The following DEPTOR variants were observed in gnomAD, a reference collection of about 807,000 sequenced individuals.
DEPTOR encodes DEP domain containing MTOR interacting protein.
Under a neutral mutation model 41.6 loss-of-function variants are expected in DEPTOR, and 41 were observed. That is an observed-to-expected ratio of 0.98 (90% confidence interval 0.77 to 1.28). The LOEUF (loss-of-function observed/expected upper bound fraction) is 1.28. Ranked by LOEUF, DEPTOR falls within the 50% of genes most tolerant of loss-of-function variation. DEPTOR has a pLI of 0.00. For synonymous variants in DEPTOR, 195 were observed against 192.3 expected (o/e 1.01, Z -0.12); for missense variants, 514 against 527.9 (o/e 0.97, Z 0.26).
At chr8:119,940,215 C>T (rs1420976413) in intron 3 of DEPTOR, among the ~76,000 whole-genome samples, 2 of 151,810 alleles carry the variant, frequency 1.3e-5, no homozygotes, top group Non-Finnish European at 2.9e-5. Flanking sequence ...GAAACTCCAT[C>T]TCAAACAAAA....
Position 119,929,923 on chromosome 8 carries a change from A to G in DEPTOR, c.410A>G (p.Gln137Arg). 3 of 1,613,020 alleles carry G rather than the reference A, an allele frequency of 1.9e-6. No homozygotes were observed. The highest frequency in any genetic ancestry group is 1.3e-5 in the African/African-American group (1 of 75,038). Reference sequence around the variant, plus strand: ...GAAGTGAAGGCCTTTATGAGAGGACAGAGGCTATATGAAAAGTATGTTCCG... The same window carrying G: ...GAAGTGAAGGCCTTTATGAGAGGACGGAGGCTATATGAAAAGTATGTTCCG... ...DNEVKAFMRG[Q>R]RLYEKLMSPE... Residue 137 changes from glutamine (Q) to arginine (R), a missense_variant, in exon 3 of 9, where the codon CAG becomes CGG. Transcript: ENST00000286234.
At chr8:119,993,594 G>T (rs991300541) in intron 4 of DEPTOR, among the ~76,000 whole-genome samples, 1 of 152,088 alleles carries the variant, frequency 6.6e-6, no homozygotes, top group Non-Finnish European at 1.5e-5. Flanking sequence ...TAGTTCCAAG[G>T]AGCAAAAAAT....
At chr8:119,930,063 C>G (rs1828022273) in intron 3 of DEPTOR, 125 bp downstream of exon 3, 2 of 1,136,376 alleles carry the variant, frequency 1.8e-6, no homozygotes, top group South Asian at 5.1e-5. Flanking sequence ...CTGTTCTTTT[C>G]CATATGAGAA....
chr8:119,933,252 G>A (rs1368667024), intron 3 of DEPTOR, among the ~76,000 whole-genome samples: 1 of 152,028 alleles, frequency 6.6e-6, no homozygotes, highest in African/African-American at 2.4e-5. Flanking sequence ...CACCTTGGGA[G>A]GCTGAGGTGG....
intron 4 of DEPTOR, among the ~76,000 whole-genome samples, chr8:119,994,170 G>C (rs112072013): frequency 1.3e-5 from 2 of 152,112 alleles, no homozygotes; most frequent in Non-Finnish European, 2.9e-5. Flanking sequence ...AAAAAATCAG[G>C]CTGAGCGTGT....
At chr8:119,999,212 C>T (rs6469884) in intron 4 of DEPTOR, among the ~76,000 whole-genome samples, 22,928 of 149,862 alleles carry the variant, frequency 0.15, 2,833 homozygotes, top group African/African-American at 0.34. Flanking sequence ...GTGGAGGTTG[C>T]GGTGAGCCGA....
intron 3 of DEPTOR, among the ~76,000 whole-genome samples, chr8:119,941,509 C>G (rs2129896661): frequency 6.6e-6 from 1 of 151,462 alleles, no homozygotes; most frequent in South Asian, 2.1e-4. Context: ...ACAGGCTTAT[C>G]TTATCAGTGT....
At chr8:119,967,550 C>T (rs1181442922) in intron 4 of DEPTOR, among the ~76,000 whole-genome samples, 3 of 151,054 alleles carry the variant, frequency 2.0e-5, no homozygotes, top group South Asian at 2.1e-4. Context: ...GTCAGGAGTT[C>T]GAAACCAGCC....
chr8:119,999,913 C>T (rs969402909), intron 4 of DEPTOR, among the ~76,000 whole-genome samples: 3 of 152,214 alleles, frequency 2.0e-5, no homozygotes, highest in South Asian at 2.1e-4. Flanking sequence ...GTGATAAAAC[C>T]GCACTGAACT....
intron 8 of DEPTOR, among the ~76,000 whole-genome samples, chr8:120,026,807 T>A (rs1383793389): frequency 1.3e-5 from 2 of 152,228 alleles, no homozygotes; most frequent in African/African-American, 4.8e-5. Context: ...CGGGCACTCA[T>A]AATATAAATT....
chr8:120,018,885 A>T (rs1812653159), intron 8 of DEPTOR, among the ~76,000 whole-genome samples: 1 of 152,164 alleles, frequency 6.6e-6, no homozygotes, highest in African/African-American at 2.4e-5. Flanking sequence ...TGCCCTCAGT[A>T]ATACAGCGAT....
intron 4 of DEPTOR, among the ~76,000 whole-genome samples, chr8:119,977,204 T>C (rs1234140425): frequency 6.6e-6 from 1 of 152,166 alleles, no homozygotes; most frequent in Non-Finnish European, 1.5e-5. Context: ...GGTTTCGCCA[T>C]GTTGGCCAGG....
At chr8:119,906,297 C>CGA (rs367889193) in intron 1 of DEPTOR, among the ~76,000 whole-genome samples, 1 of 140,450 alleles carries the variant, frequency 7.1e-6, no homozygotes, top group Non-Finnish European at 1.5e-5. Context: ...ACTAAAAATA[C>CGA]AAAAAAAAAA....
In DEPTOR at chr8:119,966,001, A is replaced by G. The variant is rs1219072959; in HGVS notation, c.604+591A>G. On this transcript the variant is annotated intron_variant, in intron 4 of 8. Transcript: ENST00000286234. ...TCTGCATCTGTGTATTTAACCAACC[A>G]TGAATTTAAAATCTTTGGAAAAAAG... Among the ~76,000 whole-genome samples, 7 of 152,374 alleles carry G rather than the reference A, an allele frequency of 4.6e-5. No homozygotes were observed. In the South Asian group the frequency reaches 1.0e-3, roughly 23 times the overall value.
At chr8:119,934,905 A>C (rs1828089430) in intron 3 of DEPTOR, among the ~76,000 whole-genome samples, 1 of 152,076 alleles carries the variant, frequency 6.6e-6, no homozygotes, top group Non-Finnish European at 1.5e-5. Flanking sequence ...TGTGGGAGTA[A>C]AATGGACTAA....
intron 7 of DEPTOR, 99 bp downstream of exon 7, chr8:120,006,974 T>C: frequency 3.5e-6 from 4 of 1,144,278 alleles, no homozygotes. Context: ...GAAAACTACT[T>C]TTCTAATTTT....
At chr8:119,978,168 C>G (rs1828720077) in intron 4 of DEPTOR, among the ~76,000 whole-genome samples, 1 of 152,146 alleles carries the variant, frequency 6.6e-6, no homozygotes, top group Non-Finnish European at 1.5e-5. Context: ...TTTGCCCAAG[C>G]ATGATCTTTT....
chr8:119,877,763 A>C (rs1050321336), intron 1 of DEPTOR, among the ~76,000 whole-genome samples: 1 of 152,228 alleles, frequency 6.6e-6, no homozygotes, highest in Admixed American at 6.5e-5. Context: ...ACAGAATGGG[A>C]ATAATATCTT....
At chr8:119,881,298 G>C (rs1327491657) in intron 1 of DEPTOR, among the ~76,000 whole-genome samples, 1 of 152,170 alleles carries the variant, frequency 6.6e-6, no homozygotes, top group Non-Finnish European at 1.5e-5. Context: ...GAGGTGGGCA[G>C]ATCACTTGAG....
Sources: allele counts gnomAD v4.1 joint callset (sites outside exome capture counted in the v4.1 genomes callset), GRCh38; gene constraint gnomAD v4.1.1; transcripts MANE v1.5; gene names NCBI Gene and HGNC (gene_info 2026-07-23, HGNC 2026-07-21).